The following AFDN variants were observed in gnomAD, a reference collection of about 807,000 sequenced individuals.
AFDN encodes afadin.
Under a neutral mutation model 216.6 loss-of-function variants are expected in AFDN, and 68 were observed. That is an observed-to-expected ratio of 0.31 (90% CI 0.26 to 0.38). The LOEUF is 0.38. AFDN is among the 10% of genes least tolerant of loss of function. AFDN has a pLI of 1.00. For synonymous variants in AFDN, 868 were observed against 853.7 expected (o/e 1.02, Z -0.29); for missense variants, 2,136 against 2,342.0 (o/e 0.91, Z 1.82).
chr6:167,845,718 G>A (rs746152480), intron 1 of AFDN, among the ~76,000 whole-genome samples: 1 of 152,104 alleles, frequency 6.6e-6, no homozygotes, highest in Non-Finnish European at 1.5e-5. Context: ...ATTTTTAGGG[G>A]ACTTGAAATT....
chr6:167,898,364 G>A lies in AFDN; in HGVS notation c.1477G>A (p.Ala493Thr), dbSNP rs751116456. 6 of 1,614,148 alleles carry A rather than the reference G, an allele frequency of 3.7e-6. No homozygotes were observed. The highest frequency in any genetic ancestry group is 5.1e-6 in the Non-Finnish European group (6 of 1,180,028). Residue 493 changes from alanine (A) to threonine (T), a missense_variant, in exon 11 of 34, where the codon GCG (alanine) becomes ACG (threonine). Coordinates refer to ENST00000683244, the MANE Select transcript of AFDN (RefSeq NM_001386888.1). The stretch of plus-strand genomic sequence containing the variant: ...GAGTGGCATGAAAGTGCAGTTTGGG[G>A]CGTCCCATGTATTTAAGTTTGTGGA... Reference protein sequence around the residue: ...LQSGMKVQFGASHVFKFVDPS... With the variant: ...LQSGMKVQFGTSHVFKFVDPS...
intron 13 of AFDN, 72 bp downstream of exon 13, chr6:167,907,361 G>T: frequency 8.3e-7 from 1 of 1,210,308 alleles, no homozygotes; most frequent in Non-Finnish European, 1.2e-6. Context: ...GATAAAGATT[G>T]TTGAATTTAT....
chr6:167,862,016 T>C (rs137973982), intron 1 of AFDN, among the ~76,000 whole-genome samples: 1 of 152,314 alleles, frequency 6.6e-6, no homozygotes, highest in African/African-American at 2.4e-5. Context: ...TTAGGTTTAG[T>C]ATAAAGATGG....
chr6:167,893,982 C>A, intron 9 of AFDN, 76 bp downstream of exon 9: 2 of 1,087,948 alleles, frequency 1.8e-6, no homozygotes, highest in Non-Finnish European at 2.7e-6. Context: ...GTTGAATGAC[C>A]AAATATCTTA....
intron 23 of AFDN, among the ~76,000 whole-genome samples, chr6:167,938,927 G>A (rs1258616668): frequency 2.0e-5 from 3 of 152,094 alleles, no homozygotes; most frequent in Admixed American, 6.5e-5. Context: ...TGTGTGCAGG[G>A]GCTTGGGTTT....
Position 167,875,367 on chromosome 6 carries a change from A to G in AFDN, c.611A>G (p.Lys204Arg), listed in dbSNP as rs747681510. 1.9e-6 allele frequency: 3 copies of G among 1,613,692 alleles called. No homozygotes were observed. The highest frequency in any genetic ancestry group is 2.5e-6 in the Non-Finnish European group (3 of 1,179,798). ...TCTCGACTGGCTGCTGAGGTTTACA[A>G]AGACATGCCGGAAACCAGCTTTACT... ...ENSRLAAEVYKDMPETSFTRT... is the reference protein window; with the variant it reads ...ENSRLAAEVYRDMPETSFTRT... Residue 204 changes from lysine (K) to arginine (R), a missense_variant, in exon 5 of 34, where the codon AAA becomes AGA. Physicochemically the swap from Lys to Arg is conservative, Grantham distance 26. Coordinates refer to ENST00000683244, the MANE Select transcript of AFDN (RefSeq NM_001386888.1).
At chr6:167,830,985 A>G (rs1779772998) in intron 1 of AFDN, among the ~76,000 whole-genome samples, 1 of 111,026 alleles carries the variant, frequency 9.0e-6, no homozygotes, top group Admixed American at 1.5e-4. Flanking sequence ...TCTCTTGCCC[A>G]GGCTGGAGTG....
chr6:167,890,164 G>A (rs1365255703), intron 7 of AFDN, among the ~76,000 whole-genome samples: 1 of 152,102 alleles, frequency 6.6e-6, no homozygotes, highest in Non-Finnish European at 1.5e-5. Flanking sequence ...GTGTCAATAT[G>A]GAATGTAGAT....
At chr6:167,943,283 T>G in intron 24 of AFDN, 89 bp downstream of exon 24, 7 of 1,411,600 alleles carry the variant, frequency 5.0e-6, no homozygotes, top group Non-Finnish European at 7.0e-6. Flanking sequence ...TCTAGTTATG[T>G]AGCACTATAG....
chr6:167,854,976 A>AT (rs1277685010), intron 1 of AFDN, among the ~76,000 whole-genome samples: 2 of 151,916 alleles, frequency 1.3e-5, no homozygotes, highest in Non-Finnish European at 2.9e-5. Context: ...GTGTAACTTG[A>AT]TTTTTTTCAG....
At chr6:167,910,205 A>G (rs1790213585) in intron 13 of AFDN, among the ~76,000 whole-genome samples, 1 of 152,246 alleles carries the variant, frequency 6.6e-6, no homozygotes, top group South Asian at 2.1e-4. Flanking sequence ...CTGTGGTTAT[A>G]ACACAAGATT....
intron 3 of AFDN, 29 bp from the exon 4 acceptor site, chr6:167,872,185 C>A: frequency 1.3e-6 from 2 of 1,593,966 alleles, no homozygotes; most frequent in South Asian, 2.3e-5. Flanking sequence ...GCATAGTAGT[C>A]AATATGGTGA....
intron 30 of AFDN, among the ~76,000 whole-genome samples, chr6:167,959,636 AT>A (rs1325471918): frequency 3.3e-5 from 5 of 152,150 alleles, no homozygotes; most frequent in Admixed American, 2.0e-4. Flanking sequence ...TTATGACCCC[AT>A]TTTATGTTCA....
intron 12 of AFDN, among the ~76,000 whole-genome samples, chr6:167,904,125 G>T (rs955852412): frequency 6.6e-6 from 1 of 152,028 alleles, no homozygotes; most frequent in Admixed American, 6.6e-5. Context: ...TTACCCTGTT[G>T]CCTGAGTTTA....
chr6:167,965,147 G>GTTT (rs397887939), intron 31 of AFDN: 793 of 679,484 alleles, frequency 1.2e-3, no homozygotes, highest in East Asian at 2.9e-3. Flanking sequence ...GAGAATGAGT[G>GTTT]TTTTTTTTTT....
chr6:167,907,102 C>A, intron 12 of AFDN, 69 bp from the exon 13 acceptor site: 1 of 1,147,144 alleles, frequency 8.7e-7, no homozygotes, highest in South Asian at 1.3e-5. Flanking sequence ...TCTCTGCTTG[C>A]AACGCTGAGT....
Position 167,911,463 on chromosome 6 carries a change from G to A in AFDN, c.2011G>A (p.Val671Met). The A allele has an allele frequency of 6.2e-7, 1 of 1,614,144 alleles. No individual in the cohort carries two copies. Among genetic ancestry groups the A allele is most frequent in the East Asian group, 2.2e-5 (1 of 44,868 alleles). Residue 671 changes from valine to methionine, a missense_variant, in exon 15 of 34, where the codon GTG becomes ATG. Transcript: ENST00000683244. ...AGTCATTGCAGTCGTCAACAAGATG[G>A]TGAGCATGATGGAGGGTGTCATCCA... ...HKVIAVVNKM[V>M]SMMEGVIQEV...
At chr6:167,888,954 T>TAA (rs780867435) in intron 6 of AFDN, among the ~76,000 whole-genome samples, 2,989 of 146,994 alleles carry the variant, frequency 0.02, 53 homozygotes, top group Non-Finnish European at 0.034. Context: ...TAAAAAGTTG[T>TAA]AAAAAAAAAA....
At position 167,951,348 on chromosome 6, in the gene AFDN, T is replaced by C. The variant is rs373797585; in HGVS notation, c.3994T>C (p.Ser1332Pro). The change falls in exon 30 of 34, where the codon TCC becomes CCC. Residue 1332 changes from serine to proline, a missense_variant. Around this residue, in one of 8 missense-constraint regions of AFDN, gnomAD observed 981 missense variants for 966.0 expected, o/e 1.02. Coordinates refer to ENST00000683244, the MANE Select transcript of AFDN (RefSeq NM_001386888.1). This position sits in a 1 kb window ranked among gnomAD's most constrained non-coding sequence, Gnocchi z 7.1. ...STSSQEHLNH[S>P]SKSVTPASTL... ...CTCTAGCCAGGAGCATCTGAACCATTCCTCTAAGTCGGTCACCCCTGCTTC... is the reference window on the plus strand; with the variant it reads ...CTCTAGCCAGGAGCATCTGAACCATCCCTCTAAGTCGGTCACCCCTGCTTC... 2.5e-6 allele frequency: 4 copies of C among 1,613,904 alleles called. No individual in the cohort carries two copies. The African/African-American group carries it at 4.0e-5, about 16-fold the overall frequency.
Sources: allele counts gnomAD v4.1 joint callset (sites outside exome capture counted in the v4.1 genomes callset), GRCh38; gene constraint gnomAD v4.1.1; regional missense constraint gnomAD v4.1.1; non-coding constraint Gnocchi (gnomAD v3.1); transcripts MANE v1.5; gene names NCBI Gene and HGNC (gene_info 2026-07-23, HGNC 2026-07-21).